The following SNX2 variants were observed in gnomAD, a reference collection of about 807,000 sequenced individuals.
SNX2 encodes the protein sorting nexin 2, also known as sorting nexin-2.
SNX2 carries 25 observed loss-of-function variants against 69.9 expected under a neutral mutation model. The observed-to-expected ratio is 0.36, with a 90% CI of 0.26 to 0.50. The LOEUF (loss-of-function observed/expected upper bound fraction) is 0.50. Among genes scored for constraint, SNX2 ranks in the 20% least tolerant of loss-of-function variants. The pLI is 0.97. For missense variants in SNX2, 551 were observed against 613.3 expected, an observed-to-expected ratio of 0.90 and a Z score of 1.07; for synonymous variants, 229 against 200.4, an observed-to-expected ratio of 1.14 and a Z score of -1.20.
chr5:122,831,283 GA>G lies in SNX2; in HGVS notation c.*1636del, dbSNP rs1754283852. ...ATATTTATACTCCCACAGCCCAGAA[GA>G]GTGGCTGATACATAATAGGTTAATA... On this transcript the variant is annotated 3_prime_UTR_variant, in exon 15 of 15. Transcript: ENST00000379516. Among the ~76,000 whole-genome samples, 1 of 152,136 alleles carries G rather than the reference GA, an allele frequency of 6.6e-6. No homozygotes were observed. The highest frequency in any genetic ancestry group is 1.5e-5 in the Non-Finnish European group (1 of 68,042).
At chr5:122,801,718 A>C in intron 3 of SNX2, 151 bp from the exon 4 acceptor site, 2 of 522,846 alleles carry the variant, frequency 3.8e-6, no homozygotes, top group Non-Finnish European at 3.4e-6. Context: ...GAAATGTGAA[A>C]GTTTTTATTG....
intron 6 of SNX2, 96 bp downstream of exon 6, chr5:122,803,709 C>G: frequency 2.2e-6 from 2 of 897,898 alleles, no homozygotes; most frequent in Non-Finnish European, 1.7e-6. Flanking sequence ...TCACTGTCAA[C>G]ATTTTATAAT....
chr5:122,812,532 C>T (rs908026107), intron 7 of SNX2, among the ~76,000 whole-genome samples: 7 of 152,192 alleles, frequency 4.6e-5, no homozygotes, highest in African/African-American at 1.7e-4. Flanking sequence ...TTTCTTCTGA[C>T]CTATTCTATT....
At position 122,833,324 on chromosome 5, in the gene SNX2, A is replaced by C. The variant is rs1050013031; in HGVS notation, c.*3676A>C. On this transcript the variant is annotated 3_prime_UTR_variant, in exon 15 of 15. Transcript: ENST00000379516. ...GAGGGCCATGAAGATAGGTCATGGTAATCTATGGAGAAGGTCCTTAAGAGC... is the reference window on the plus strand; with the variant it reads ...GAGGGCCATGAAGATAGGTCATGGTCATCTATGGAGAAGGTCCTTAAGAGC... The C allele has an allele frequency of 1.3e-5, 2 of 152,222 alleles. No homozygotes were observed. Among genetic ancestry groups the C allele is most frequent in the Non-Finnish European group, 1.5e-5 (1 of 68,030 alleles). The allele number at this position is 152,222 out of a possible 1,614,324, so 9.4% of individuals were successfully genotyped here.
At chr5:122,814,221 G>A (rs999151418) in intron 7 of SNX2, among the ~76,000 whole-genome samples, 1 of 152,164 alleles carries the variant, frequency 6.6e-6, no homozygotes, top group Non-Finnish European at 1.5e-5. Flanking sequence ...TCTAAACAAC[G>A]AAATAACTTA....
At chr5:122,798,173 C>CT (rs1236690618) in intron 2 of SNX2, among the ~76,000 whole-genome samples, 3 of 150,208 alleles carry the variant, frequency 2.0e-5, no homozygotes, top group Non-Finnish European at 3.0e-5. Context: ...TTTTTTTTTA[C>CT]TTTATCATAT....
chr5:122,784,028 G>C (rs1022448117), intron 1 of SNX2, among the ~76,000 whole-genome samples: 1 of 151,670 alleles, frequency 6.6e-6, no homozygotes. Context: ...ATAGTTTTTA[G>C]TGCTTTTATT....
intron 1 of SNX2, among the ~76,000 whole-genome samples, chr5:122,792,036 G>A (rs969085215): frequency 6.6e-6 from 1 of 152,184 alleles, no homozygotes; most frequent in Non-Finnish European, 1.5e-5. Flanking sequence ...ACTTTCAGAG[G>A]AAATAATACA....
rs976562266 is a variant in SNX2, at chr5:122,817,408, A to G, written c.1006+35A>G. The G allele has an allele frequency of 4.8e-6, 6 of 1,237,884 alleles. No individual in the cohort carries two copies. The African/African-American group carries it at 6.1e-5, about 13-fold the overall frequency. The allele number at this position is 1,237,884 out of a possible 1,614,324, so 76.7% of individuals were successfully genotyped here. A position where few individuals can be genotyped will look rare whatever the true frequency, so the allele number is the denominator to read the frequency against. On this transcript the variant is annotated intron_variant, in intron 10 of 14. Transcript: ENST00000379516. ...CCTTACTACTTACGTAGTTAGCACCATAAAACTAATGAAAATATTTTATTT... is the reference window on the plus strand; with the variant it reads ...CCTTACTACTTACGTAGTTAGCACCGTAAAACTAATGAAAATATTTTATTT...
At chr5:122,806,321 A>G (rs1226241023) in intron 6 of SNX2, among the ~76,000 whole-genome samples, 1 of 152,138 alleles carries the variant, frequency 6.6e-6, no homozygotes, top group Non-Finnish European at 1.5e-5. Flanking sequence ...AATAATTATT[A>G]AAGGTGGGTG....
intron 12 of SNX2, chr5:122,826,683 T>A (rs1030435820): frequency 1.0e-6 from 1 of 964,530 alleles, no homozygotes. Flanking sequence ...AAAATAAATG[T>A]ACCTGCCCTT....
At chr5:122,812,476 A>G (rs1268354260) in intron 7 of SNX2, among the ~76,000 whole-genome samples, 4 of 152,174 alleles carry the variant, frequency 2.6e-5, no homozygotes, top group African/African-American at 4.8e-5. Context: ...TCAAGTTCGT[A>G]TGTTCAAATA....
In SNX2 at chr5:122,834,316, C is replaced by A. The variant is rs1754361671; in HGVS notation, c.*4668C>A. ...GCTCTTCTTCCTTTCTTGTCACATA[C>A]TTTTAAAAAATTCTCTAAAGATTGA... On this transcript the variant is annotated 3_prime_UTR_variant, in exon 15 of 15. Transcript: ENST00000379516. The A allele has an allele frequency of 6.6e-6, 1 of 152,132 alleles. No homozygotes were observed. The highest frequency in any genetic ancestry group is 6.6e-5 in the Admixed American group (1 of 15,264). The allele number at this position is 152,132 out of a possible 1,614,324, so 9.4% of individuals were successfully genotyped here.
At chr5:122,795,764 A>G (rs1402735215) in intron 2 of SNX2, among the ~76,000 whole-genome samples, 1 of 152,168 alleles carries the variant, frequency 6.6e-6, no homozygotes, top group Non-Finnish European at 1.5e-5. Context: ...ATTATTCTAT[A>G]TTTATGTTTG....
At chr5:122,803,769 G>T (rs1301691740) in intron 6 of SNX2, 156 bp downstream of exon 6, 10 of 545,708 alleles carry the variant, frequency 1.8e-5, no homozygotes. Context: ...ATCATGCATG[G>T]ATTGAAGAAT....
chr5:122,806,764 C>G (rs1288108022), intron 6 of SNX2, among the ~76,000 whole-genome samples: 1 of 151,988 alleles, frequency 6.6e-6, no homozygotes, highest in Non-Finnish European at 1.5e-5. Flanking sequence ...ATTCACATCC[C>G]AATTCCGGTA....
chr5:122,817,488 T>C lies in SNX2; in HGVS notation c.1006+115T>C, dbSNP rs553975386. The C allele has an allele frequency of 1.2e-5, 8 of 684,154 alleles. No individual in the cohort carries two copies. The East Asian group carries it at 2.4e-4, about 21-fold the overall frequency. The allele number at this position is 684,154 out of a possible 1,614,324, so 42.4% of individuals were successfully genotyped here. A position where few individuals can be genotyped will look rare whatever the true frequency, so the allele number is the denominator to read the frequency against. On this transcript the variant is annotated intron_variant, in intron 10 of 14. Coordinates refer to ENST00000379516, the MANE Select transcript of SNX2 (RefSeq NM_003100.4). ...TATTGCAGAAGAGAGAAAACAATCA[T>C]TTAAGACAATGTTTTCTAGTTCAAC...
At chr5:122,817,252 T>G in intron 9 of SNX2, 28 bp from the exon 10 acceptor site, 1 of 1,592,894 alleles carries the variant, frequency 6.3e-7, no homozygotes, top group Non-Finnish European at 8.6e-7. Context: ...TCTTCCTAAA[T>G]TAGCTCCATT....
chr5:122,817,270 T>G lies in SNX2; in HGVS notation c.913-10T>G. The G allele has an allele frequency of 6.2e-7, 1 of 1,612,040 alleles. No homozygotes were observed. On this transcript the variant is annotated splice_polypyrimidine_tract_variant and intron_variant, in intron 9 of 14. Transcript: ENST00000379516. The stretch of plus-strand genomic sequence containing the variant: ...TCCTAAATTAGCTCCATTTTTCATT[T>G]TTTTCTTAGTGGTTTGAAGAAAAGC...
Sources: gnomAD v4.1 joint callset for allele counts (sites outside exome capture counted in the v4.1 genomes callset) on GRCh38, gnomAD v4.1.1 for gene constraint, MANE v1.5 for transcripts, NCBI Gene and HGNC (gene_info 2026-07-23, HGNC 2026-07-21) for gene names.